The following RNF149 variants were observed in gnomAD, a reference collection of about 807,000 sequenced individuals.
The protein encoded by RNF149 is ring finger protein 149.
A neutral mutation model predicts 39.0 loss-of-function variants in RNF149; 21 were observed. The observed-to-expected ratio is 0.54, with a 90% CI of 0.38 to 0.77. RNF149 has a LOEUF of 0.77. Ranked by LOEUF, RNF149 falls within the 30% of genes least tolerant of loss-of-function variation. The pLI, the probability that RNF149 is intolerant of heterozygous loss-of-function variation, is 0.00. For synonymous variants in RNF149, 209 were observed against 213.6 expected (o/e 0.98, Z 0.19); for missense variants, 493 against 534.9 (o/e 0.92, Z 0.77).
At chr2:101,305,387 C>T (rs1042324040) in intron 1 of RNF149, among the ~76,000 whole-genome samples, 3 of 152,156 alleles carry the variant, frequency 2.0e-5, no homozygotes, top group African/African-American at 7.2e-5. Flanking sequence ...TCTGCAGTCA[C>T]GACTATAGTA....
Position 101,308,680 on chromosome 2 carries a change from C to A in RNF149, c.-92G>T. On this transcript the variant is annotated 5_prime_UTR_variant, in exon 1 of 7. Transcript: ENST00000295317. ...GAGAGAAGCGGACACCCACCGCCGC[C>A]CTGGAAGACTGAGGCGGGGTCGGGG... The A allele has an allele frequency of 1.7e-6, 2 of 1,195,972 alleles. No individual in the cohort carries two copies. Among genetic ancestry groups the A allele is most frequent in the Non-Finnish European group, 2.2e-6 (2 of 898,674 alleles). The allele number at this position is 1,195,972 out of a possible 1,614,324, so 74.1% of individuals were successfully genotyped here.
chr2:101,308,646 C>G lies in RNF149; in HGVS notation c.-58G>C, dbSNP rs898699825. ...GGGTCACGCGCGAGTGCGGTGCAGT[C>G]GAAGAGCAGAGAGAAGCGGACACCC... On this transcript the variant is annotated 5_prime_UTR_variant, in exon 1 of 7. Coordinates refer to ENST00000295317, the MANE Select transcript of RNF149 (RefSeq NM_173647.4). 1.6e-5 allele frequency: 22 copies of G among 1,403,324 alleles called. 1 individual carries two copies. In the Admixed American group the frequency reaches 3.8e-4, roughly 24 times the overall value. The allele number at this position is 1,403,324 out of a possible 1,614,324, so 86.9% of individuals were successfully genotyped here.
In RNF149 at chr2:101,276,377, C is replaced by A. The variant is rs189779632; in HGVS notation, c.*861G>T. The A allele has an allele frequency of 3.6e-5, 35 of 985,826 alleles. No homozygotes were observed. In the African/African-American group the frequency reaches 4.4e-4, roughly 12 times the overall value. 61.1% of individuals were successfully genotyped at this position (985,826 alleles called of 1,614,324 possible). ...GTATTAAATCTGCTTAAACTCTAAT[C>A]AAGAAAACTGGTTATTTCGAGTCAA... On this transcript the variant is annotated 3_prime_UTR_variant, in exon 7 of 7. Transcript: ENST00000295317.
At chr2:101,290,071 T>C (rs1682949569) in intron 3 of RNF149, among the ~76,000 whole-genome samples, 1 of 152,066 alleles carries the variant, frequency 6.6e-6, no homozygotes, top group African/African-American at 2.4e-5. Context: ...TCCCAGCTAC[T>C]CTAGAGGCTG....
chr2:101,296,848 A>G (rs1208810273), intron 1 of RNF149, among the ~76,000 whole-genome samples: 1 of 152,306 alleles, frequency 6.6e-6, no homozygotes, highest in South Asian at 2.1e-4. Flanking sequence ...TTCTTAAAAA[A>G]AATTTTTTTT....
At chr2:101,284,134 GA>G (rs1682700998) in intron 5 of RNF149, among the ~76,000 whole-genome samples, 1 of 152,160 alleles carries the variant, frequency 6.6e-6, no homozygotes, top group Non-Finnish European at 1.5e-5. Flanking sequence ...TACAATTACT[GA>G]AAACCATGAA....
At chr2:101,297,552 TCTCA>T (rs1683283880) in intron 1 of RNF149, among the ~76,000 whole-genome samples, 1 of 147,656 alleles carries the variant, frequency 6.8e-6, no homozygotes, top group Non-Finnish European at 1.5e-5. Flanking sequence ...AGAGATGGGG[TCTCA>T]CTATGTTGCC....
At chr2:101,305,294 C>T (rs1312240652) in intron 1 of RNF149, among the ~76,000 whole-genome samples, 2 of 152,140 alleles carry the variant, frequency 1.3e-5, no homozygotes, top group Non-Finnish European at 2.9e-5. Context: ...TCAAGGCTGT[C>T]TGTACACAGT....
In RNF149 at chr2:101,275,742, T is replaced by G. The variant is rs1224868988; in HGVS notation, c.*1496A>C. 3 of 968,396 alleles carry G rather than the reference T, an allele frequency of 3.1e-6. No homozygotes were observed. Among genetic ancestry groups the G allele is most frequent in the Admixed American group, 1.2e-4 (2 of 16,224 alleles). The allele number at this position is 968,396 out of a possible 1,614,324, so 60.0% of individuals were successfully genotyped here. On this transcript the variant is annotated 3_prime_UTR_variant, in exon 7 of 7. Transcript: ENST00000295317. ...AGGCGTGAGCCACCGCGCCCGGCCC[T>G]CCTAGTATTTCTTAAAGACAAAGAG...
chr2:101,305,348 T>C lies in RNF149; in HGVS notation c.460+2781A>G, dbSNP rs183636222. Among the ~76,000 whole-genome samples, 464 of 152,322 alleles carry C rather than the reference T, an allele frequency of 3.0e-3. 4 individuals are homozygous for C. The highest frequency in any genetic ancestry group is 9.6e-3 in the African/African-American group (399 of 41,572). ...CATTCTCAAAAAGTTATACCCAATG[T>C]GGCCAAATTCTGTAAGGGTCTTTTC... On this transcript the variant is annotated intron_variant, in intron 1 of 6. Coordinates refer to ENST00000295317, the MANE Select transcript of RNF149 (RefSeq NM_173647.4).
chr2:101,278,007 A>G, intron 6 of RNF149, among the ~76,000 whole-genome samples: 1 of 152,208 alleles, frequency 6.6e-6, no homozygotes, highest in East Asian at 1.9e-4. Flanking sequence ...AAGGAAGAGG[A>G]GGAGCTGGTA....
chr2:101,291,723 C>T (rs1205772437), intron 3 of RNF149, among the ~76,000 whole-genome samples: 1 of 152,078 alleles, frequency 6.6e-6, no homozygotes, highest in Non-Finnish European at 1.5e-5. Context: ...TTTTTAAAGT[C>T]TCTAATAATG....
rs1558775192 is a variant in RNF149, at chr2:101,276,781, A to C, written c.*457T>G. ...CAAGTTTCAAGTTCTTAAAAAAAAA[A>C]CAACAAAAAAAACCTTTCCTCCAGG... On this transcript the variant is annotated 3_prime_UTR_variant, in exon 7 of 7. Transcript: ENST00000295317. 3 of 989,712 alleles carry C rather than the reference A, an allele frequency of 3.0e-6. No homozygotes were observed. Among genetic ancestry groups the C allele is most frequent in the African/African-American group, 1.7e-5 (1 of 57,242 alleles). 61.3% of individuals were successfully genotyped at this position (989,712 alleles called of 1,614,324 possible).
intron 2 of RNF149, 147 bp from the exon 3 acceptor site, chr2:101,294,229 T>C (rs1683133452): frequency 1.9e-6 from 1 of 532,958 alleles, no homozygotes; most frequent in East Asian, 3.2e-5. Context: ...AAAATAACTT[T>C]TAATGGCAAA....
chr2:101,294,466 G>A lies in RNF149; in HGVS notation c.712-384C>T, dbSNP rs564962596. 1.3e-3 allele frequency: 267 copies of A among 206,118 alleles called. 1 individual carries two copies. Among genetic ancestry groups the A allele is most frequent in the African/African-American group, 6.0e-3 (253 of 42,290 alleles). The allele number at this position is 206,118 out of a possible 1,614,324, so 12.8% of individuals were successfully genotyped here. The stretch of plus-strand genomic sequence containing the variant: ...TGCTCATCTATTCAAGTACCTAAAA[G>A]GTAAAGGCCTCTTCCTAGTCCTCAA... On this transcript the variant is annotated intron_variant, in intron 2 of 6. Coordinates refer to ENST00000295317, the MANE Select transcript of RNF149 (RefSeq NM_173647.4).
At position 101,308,421 on chromosome 2, in the gene RNF149, C is replaced by G. The variant is rs762361219; in HGVS notation, c.168G>C (p.Trp56Cys). 1.9e-6 allele frequency: 3 copies of G among 1,611,482 alleles called. No individual in the cohort carries two copies. Among genetic ancestry groups the G allele is most frequent in the Non-Finnish European group, 2.5e-6 (3 of 1,179,380 alleles). Residue 56 changes from tryptophan (W) to cysteine (C), a missense_variant, in exon 1 of 7, where the codon TGG becomes TGC. Coordinates refer to ENST00000295317, the MANE Select transcript of RNF149 (RefSeq NM_173647.4). The stretch of plus-strand genomic sequence containing the variant: ...CGAAGCGGCCACTCTCCGAGACGCT[C>G]CACACCGTCAGGTTGGTCTGCGGGT... Reference protein sequence around the residue: ...YVDPQTNLTVWSVSESGRFGD... With the variant: ...YVDPQTNLTVCSVSESGRFGD...
Position 101,288,058 on chromosome 2 carries a change from C to A in RNF149, c.863+915G>T, listed in dbSNP as rs112701837. Among the ~76,000 whole-genome samples, 329 of 151,386 alleles carry A rather than the reference C, an allele frequency of 2.2e-3. 2 individuals are homozygous for A. Among genetic ancestry groups the A allele is most frequent in the African/African-American group, 7.4e-3 (304 of 41,260 alleles). ...TGTCACCCAGGCTGGAGTGCAGTGG[C>A]GTGATCTCAGCTCACTGCAACCTCT... is the stretch of plus-strand genomic sequence containing the variant. On this transcript the variant is annotated intron_variant, in intron 4 of 6. Coordinates refer to ENST00000295317, the MANE Select transcript of RNF149 (RefSeq NM_173647.4).
At chr2:101,273,476 CTTTTTT>C (rs937334137), downstream of RNF149, 7 of 350,542 alleles carry the variant, frequency 2.0e-5, no homozygotes, top group East Asian at 7.7e-5. Context: ...ATATTTGTTT[CTTTTTT>C]TTTTTTTTTT....
chr2:101,285,965 A>C (rs1411242981), intron 5 of RNF149, 116 bp downstream of exon 5: 1 of 597,718 alleles, frequency 1.7e-6, no homozygotes, highest in African/African-American at 1.9e-5. Flanking sequence ...TCTTCAGAGA[A>C]CTACAAGGAT....
Sources: gnomAD v4.1 joint callset for allele counts (sites outside exome capture counted in the v4.1 genomes callset) on GRCh38, gnomAD v4.1.1 for gene constraint, MANE v1.5 for transcripts, NCBI Gene and HGNC (gene_info 2026-07-23, HGNC 2026-07-21) for gene names.